The following ROBO2 variants were observed in gnomAD, a reference collection of about 807,000 sequenced individuals.
The protein encoded by ROBO2 is roundabout homolog 2.
In ROBO2, 53 loss-of-function variants were observed where a neutral mutation model predicts 160.8. The observed-to-expected ratio is 0.33, with a 90% CI of 0.26 to 0.41. The LOEUF is 0.41. Among genes scored for constraint, ROBO2 ranks in the 10% least tolerant of loss-of-function variants. The pLI, the probability that ROBO2 is intolerant of heterozygous loss-of-function variation, is 1.00. For missense variants in ROBO2, 1,577 were observed against 1,722.4 expected (o/e 0.92, Z 1.49); for synonymous variants, 664 against 611.7 (o/e 1.09, Z -1.26).
chr3:76,336,865 A>G (rs993986035), intron 2 of ROBO2, among the ~76,000 whole-genome samples: 23 of 152,186 alleles, frequency 1.5e-4, no homozygotes, highest in African/African-American at 5.3e-4. Flanking sequence ...TGTTTTATGA[A>G]CTACTTTAAG....
In ROBO2 at chr3:76,980,153, T is replaced by C. The variant is rs547396243; in HGVS notation, c.110-117861T>C. 1.1e-4 allele frequency among the ~76,000 whole-genome samples: 17 copies of C among 152,308 alleles called. No individual in the cohort carries two copies. In the South Asian group the frequency reaches 3.3e-3, roughly 30 times the overall value. On this transcript the variant is annotated intron_variant, in intron 2 of 26. Transcript: ENST00000487694. ...GCAAATGGAGGACTATCTTATTCCATTGGCCATTCTCGGCTGCTTTTTGTT... is the reference window on the plus strand; with the variant it reads ...GCAAATGGAGGACTATCTTATTCCACTGGCCATTCTCGGCTGCTTTTTGTT...
intron 2 of ROBO2, among the ~76,000 whole-genome samples, chr3:76,813,158 A>G (rs747332674): frequency 3.7e-4 from 57 of 152,078 alleles, no homozygotes; most frequent in Non-Finnish European, 5.9e-4. Context: ...TTCTGCCTGC[A>G]GCACCTCTCT....
intron 20 of ROBO2, 105 bp downstream of exon 21, chr3:77,602,596 T>C (rs2094450472): frequency 2.2e-6 from 3 of 1,340,030 alleles, no homozygotes; most frequent in Admixed American, 3.4e-5. Context: ...CCAGGTTTAC[T>C]ACCTAAACTA....
Position 76,555,397 on chromosome 3 carries a change from AAG to A in ROBO2, c.110-542615_110-542614del, listed in dbSNP as rs1491164193. 2.5e-3 allele frequency among the ~76,000 whole-genome samples: 178 copies of A among 72,492 alleles called. 1 individual carries two copies. The highest frequency in any genetic ancestry group is 5.0e-3 in the African/African-American group (173 of 34,918). The allele number at this position is 72,492 out of a possible 152,430, so 47.6% of individuals were successfully genotyped here. On this transcript the variant is annotated intron_variant, in intron 2 of 26. Transcript: ENST00000487694. ...GAAGAAGAAGAAGAAGAAGAAGAAG[AAG>A]AAGAAGAAGAAGAAGAAGAAAGAAG... is the stretch of plus-strand genomic sequence containing the variant.
At chr3:76,798,557 T>C (rs1374163406) in intron 2 of ROBO2, among the ~76,000 whole-genome samples, 1 of 152,132 alleles carries the variant, frequency 6.6e-6, no homozygotes, top group African/African-American at 2.4e-5. Flanking sequence ...GAAAACGCTT[T>C]GATAAAATTC....
intron 2 of ROBO2, among the ~76,000 whole-genome samples, chr3:77,159,214 A>G (rs1361003312): frequency 6.6e-6 from 1 of 152,054 alleles, no homozygotes; most frequent in Non-Finnish European, 1.5e-5. Context: ...TGCAGCTAAC[A>G]TTGTTCTCAT....
intron 2 of ROBO2, among the ~76,000 whole-genome samples, chr3:77,294,230 AC>A (rs1367180148): frequency 7.1e-6 from 1 of 141,486 alleles, no homozygotes; most frequent in African/African-American, 2.7e-5. Flanking sequence ...AGACTAGATC[AC>A]CCCGGACATA....
intron 2 of ROBO2, among the ~76,000 whole-genome samples, chr3:76,902,330 T>C (rs2075296649): frequency 6.6e-6 from 1 of 152,050 alleles, no homozygotes; most frequent in African/African-American, 2.4e-5. Context: ...CACTACTCTG[T>C]TTATTTGGCA....
intron 1 of ROBO2, among the ~76,000 whole-genome samples, chr3:75,926,096 T>C (rs953649349): frequency 6.6e-6 from 1 of 152,216 alleles, no homozygotes; most frequent in Non-Finnish European, 1.5e-5. Context: ...TTAAATCTTG[T>C]AGGAGTATGA....
intron 2 of ROBO2, among the ~76,000 whole-genome samples, chr3:76,078,112 A>G (rs1389697973): frequency 1.3e-5 from 2 of 152,222 alleles, no homozygotes; most frequent in Admixed American, 6.5e-5. Context: ...TGGAAAATCA[A>G]TGCAACATTC....
intron 2 of ROBO2, among the ~76,000 whole-genome samples, chr3:77,164,975 C>T (rs112458515): frequency 0.057 from 3,446 of 60,644 alleles, 349 homozygotes; most frequent in Middle Eastern, 0.11. Flanking sequence ...CCGCCCCGTC[C>T]GGGAGGTGAG....
chr3:77,557,375 C>T (rs1417296814), intron 8 of ROBO2, among the ~76,000 whole-genome samples: 1 of 151,862 alleles, frequency 6.6e-6, no homozygotes, highest in African/African-American at 2.4e-5. Flanking sequence ...GCTCATGTCA[C>T]AATTTTGGAA....
chr3:76,187,471 T>G (rs1701820054), intron 2 of ROBO2, among the ~76,000 whole-genome samples: 1 of 152,008 alleles, frequency 6.6e-6, no homozygotes. Context: ...AGTGAGGTCT[T>G]GCTGTGTTGC....
rs182114565 is a variant in ROBO2, at chr3:75,913,082, A to G, written c.-14+6122A>G. Among the ~76,000 whole-genome samples, 378 of 152,232 alleles carry G rather than the reference A, an allele frequency of 2.5e-3. 1 individual carries two copies. Among genetic ancestry groups the G allele is most frequent in the African/African-American group, 8.6e-3 (357 of 41,530 alleles). ...GGTTCCTTCTGGAGGTGCTGAGGGG[A>G]GAATCCATTCTCTTGCCTTTTTCTG... On this transcript the variant is annotated intron_variant, in intron 1 of 26. Coordinates refer to the ROBO2 transcript ENST00000487694.
intron 17 of ROBO2, among the ~76,000 whole-genome samples, chr3:77,589,252 AC>A (rs1351170086): frequency 2.0e-5 from 3 of 152,076 alleles, no homozygotes; most frequent in African/African-American, 7.2e-5. Flanking sequence ...GCACACGCAG[AC>A]TATGTGTTAC....
chr3:77,317,738 GGGGGGGCTGCT>G (rs1315424289), intron 2 of ROBO2: 1 of 20,666 alleles, frequency 4.8e-5, no homozygotes, highest in African/African-American at 3.0e-4. Context: ...GGGGGCTGCT[GGGGGGGCTGCT>G]GGGGGGCTGC....
chr3:77,483,771 T>A (rs2084991394), intron 4 of ROBO2, among the ~76,000 whole-genome samples: 1 of 147,928 alleles, frequency 6.8e-6, no homozygotes, highest in Non-Finnish European at 1.5e-5. Flanking sequence ...TTATTATAAA[T>A]ATAATAAAAA....
At chr3:77,061,943 T>C (rs2066357128) in intron 1 of ROBO2, among the ~76,000 whole-genome samples, 1 of 152,230 alleles carries the variant, frequency 6.6e-6, no homozygotes, top group Non-Finnish European at 1.5e-5. Context: ...AACACTGATC[T>C]GGTTCTTTCT....
At chr3:76,943,378 T>G (rs2149124305) in intron 2 of ROBO2, among the ~76,000 whole-genome samples, 1 of 152,326 alleles carries the variant, frequency 6.6e-6, no homozygotes, top group African/African-American at 2.4e-5. Flanking sequence ...TCTTCTTGTT[T>G]ATTATTAAGG....
Sources: allele counts gnomAD v4.1 joint callset (sites outside exome capture counted in the v4.1 genomes callset), GRCh38; gene constraint gnomAD v4.1.1; transcripts MANE v1.5; gene names NCBI Gene and HGNC (gene_info 2026-07-23, HGNC 2026-07-21).